The following CDS1 variants were observed in gnomAD, a reference collection of about 807,000 sequenced individuals.
CDS1 encodes the protein phosphatidate cytidylyltransferase 1.
Under a neutral mutation model 62.1 loss-of-function variants are expected in CDS1, and 41 were observed. That is an observed-to-expected ratio of 0.66 (90% CI 0.51 to 0.86). The LOEUF (loss-of-function observed/expected upper bound fraction) is 0.86. Among genes scored for constraint, CDS1 ranks in the 40% least tolerant of loss-of-function variants. The pLI is 0.00. For missense variants in CDS1, 470 were observed against 550.1 expected (o/e 0.85, Z 1.46); for synonymous variants, 185 against 192.6 (o/e 0.96, Z 0.32).
rs1380061500 is a variant in CDS1, at chr4:84,609,444, G to C, written c.261G>C (p.Trp87Cys). 2 of 1,606,304 alleles carry C rather than the reference G, an allele frequency of 1.2e-6. No individual in the cohort carries two copies. The highest frequency in any genetic ancestry group is 2.7e-5 in the African/African-American group (2 of 74,762). The change falls in exon 3 of 13, where the codon TGG (tryptophan) becomes TGC (cysteine). Residue 87 changes from tryptophan (W) to cysteine (C), a missense_variant. Physicochemically the swap from Trp to Cys is radical, Grantham distance 215. Transcript: ENST00000295887. Reference protein sequence around the residue: ...SGLSSRWKNWWIRGILTLTMI... With the variant: ...SGLSSRWKNWCIRGILTLTMI... ...TTCTTTGTAGGTGGAAAAACTGGTG[G>C]ATACGTGGAATTCTCACTCTAACTA...
chr4:84,640,767 A>G, intron 9 of CDS1, 71 bp from the exon 10 acceptor site: 3 of 1,210,570 alleles, frequency 2.5e-6, no homozygotes, highest in Middle Eastern at 2.1e-4. Context: ...CTTAAAAGAT[A>G]TATGTTTAGT....
intron 10 of CDS1, among the ~76,000 whole-genome samples, chr4:84,642,306 A>G (rs984195590): frequency 7.2e-5 from 11 of 151,804 alleles, no homozygotes; most frequent in Admixed American, 6.6e-5. Context: ...AGCCTGGGCA[A>G]CAAGAGTGAA....
intron 1 of CDS1, among the ~76,000 whole-genome samples, chr4:84,603,316 C>T (rs926743824): frequency 6.6e-6 from 1 of 152,148 alleles, no homozygotes. Flanking sequence ...TCTCTTTCCT[C>T]TATCCCAGTT....
intron 3 of CDS1, among the ~76,000 whole-genome samples, chr4:84,612,309 G>T (rs546488283): frequency 4.6e-5 from 7 of 152,018 alleles, no homozygotes; most frequent in African/African-American, 1.7e-4. Flanking sequence ...GAATTAAGAA[G>T]AATTTATTTG....
chr4:84,631,673 T>C (rs1724023594), intron 5 of CDS1, 146 bp from the exon 6 acceptor site: 2 of 662,664 alleles, frequency 3.0e-6, no homozygotes, highest in Non-Finnish European at 2.7e-6. Flanking sequence ...AAATGCTTAA[T>C]GTAAGATAGT....
intron 5 of CDS1, among the ~76,000 whole-genome samples, chr4:84,622,199 A>G (rs1578039658): frequency 2.0e-5 from 3 of 152,290 alleles, no homozygotes; most frequent in African/African-American, 7.2e-5. Flanking sequence ...TGGCATTTTG[A>G]GTTTTGATGA....
At chr4:84,628,245 T>C (rs1236475175) in intron 5 of CDS1, among the ~76,000 whole-genome samples, 1 of 152,184 alleles carries the variant, frequency 6.6e-6, no homozygotes, top group Non-Finnish European at 1.5e-5. Flanking sequence ...TTAAGGGCTA[T>C]ATGTGTTTAC....
intron 11 of CDS1, 61 bp downstream of exon 11, chr4:84,643,204 T>G: frequency 6.4e-7 from 1 of 1,551,418 alleles, no homozygotes; most frequent in African/African-American, 1.4e-5. Flanking sequence ...GTAACCTAGT[T>G]GGAATTTGGT....
intron 5 of CDS1, 54 bp downstream of exon 5, chr4:84,619,587 AT>A: frequency 9.2e-7 from 1 of 1,087,654 alleles, no homozygotes; most frequent in Non-Finnish European, 1.3e-6. Context: ...TTCCATGTTT[AT>A]TTTTATTTCT....
chr4:84,589,599 AT>A (rs1330340445), intron 1 of CDS1, among the ~76,000 whole-genome samples: 2 of 152,226 alleles, frequency 1.3e-5, no homozygotes, highest in Non-Finnish European at 2.9e-5. Flanking sequence ...TTCAGCTTTT[AT>A]CATGCACAGC....
rs532287012 is a variant in CDS1, at chr4:84,640,143, TATA to T, written c.880-688_880-686del. Among the ~76,000 whole-genome samples, 10 of 147,746 alleles carry T rather than the reference TATA, an allele frequency of 6.8e-5. No homozygotes were observed. The South Asian group carries it at 1.3e-3, about 19-fold the overall frequency. On this transcript the variant is annotated intron_variant, in intron 9 of 12. Coordinates refer to ENST00000295887, the MANE Select transcript of CDS1 (RefSeq NM_001263.4). ...TATGAAATTATATATATATAATATA[TATA>T]ATAATATGTAATATATATAATATAT... is the stretch of plus-strand genomic sequence containing the variant.
At chr4:84,611,088 A>T (rs1265147500) in intron 3 of CDS1, among the ~76,000 whole-genome samples, 1 of 152,244 alleles carries the variant, frequency 6.6e-6, no homozygotes, top group Non-Finnish European at 1.5e-5. Context: ...GGAATCAACA[A>T]GGTAAAGGAT....
intron 5 of CDS1, among the ~76,000 whole-genome samples, chr4:84,624,634 G>A (rs934244689): frequency 1.3e-5 from 2 of 152,110 alleles, no homozygotes; most frequent in African/African-American, 4.8e-5. Context: ...TAGCTGAGAG[G>A]TAGAATGTCA....
intron 11 of CDS1, among the ~76,000 whole-genome samples, chr4:84,643,457 A>C (rs1360736626): frequency 6.6e-6 from 1 of 152,242 alleles, no homozygotes. Context: ...GCCGTGAATC[A>C]TCTAAAGTTT....
chr4:84,623,334 A>G (rs933277851), intron 5 of CDS1, among the ~76,000 whole-genome samples: 1 of 152,172 alleles, frequency 6.6e-6, no homozygotes, highest in Non-Finnish European at 1.5e-5. Context: ...TCTTTAGTCT[A>G]TTCTTACAGC....
At chr4:84,592,365 G>T (rs1177523131) in intron 1 of CDS1, among the ~76,000 whole-genome samples, 2 of 151,728 alleles carry the variant, frequency 1.3e-5, no homozygotes, top group African/African-American at 4.8e-5. Flanking sequence ...TAGAGATGGG[G>T]TTTCACCATG....
intron 4 of CDS1, among the ~76,000 whole-genome samples, 162 bp from the exon 5 acceptor site, chr4:84,619,232 A>G (rs1435209087): frequency 1.3e-5 from 2 of 152,218 alleles, no homozygotes; most frequent in African/African-American, 4.8e-5. Context: ...TTTGAAATTA[A>G]GTTTAAAACA....
intron 1 of CDS1, among the ~76,000 whole-genome samples, chr4:84,599,440 A>ATATATATATG (rs1560466349): frequency 3.9e-4 from 44 of 113,056 alleles, no homozygotes; most frequent in African/African-American, 1.3e-3. Context: ...ATATATATAT[A>ATATATATATG]TATATATATA....
At chr4:84,617,517 A>G (rs1418693854) in intron 3 of CDS1, 47 bp from the exon 4 acceptor site, 1 of 952,100 alleles carries the variant, frequency 1.1e-6, no homozygotes, top group Admixed American at 1.8e-5. Context: ...ATTAAGCACA[A>G]ATGTAAACAT....
Sources: allele counts gnomAD v4.1 joint callset (sites outside exome capture counted in the v4.1 genomes callset), GRCh38; gene constraint gnomAD v4.1.1; transcripts MANE v1.5; gene names NCBI Gene and HGNC (gene_info 2026-07-23, HGNC 2026-07-21).